ERMARD: variants seen among roughly 807,000 people sequenced by gnomAD.
The protein encoded by ERMARD is ER membrane associated RNA degradation.
A neutral mutation model predicts 83.9 loss-of-function variants in ERMARD; 71 were observed. The observed-to-expected ratio is 0.85, with a 90% CI of 0.70 to 1.03. ERMARD has a LOEUF of 1.03. Among genes scored for constraint, ERMARD ranks in the 50% least tolerant of loss-of-function variants. The pLI is 0.00. For synonymous variants in ERMARD, 284 were observed against 298.6 expected (o/e 0.95, Z 0.50); for missense variants, 838 against 810.9 (o/e 1.03, Z -0.41).
At chr6:169,755,487 T>C (rs1790687320) in intron 3 of ERMARD, 65 bp downstream of exon 3, 1 of 1,576,534 alleles carries the variant, frequency 6.3e-7, no homozygotes, top group South Asian at 1.2e-5. Flanking sequence ...GGACGTACTA[T>C]TTGCCAATTT....
chr6:169,755,243 T>C (rs1191342852), intron 2 of ERMARD, 40 bp from the exon 3 acceptor site: 10 of 1,584,058 alleles, frequency 6.3e-6, no homozygotes, highest in Non-Finnish European at 8.6e-6. Context: ...TCATGTGATA[T>C]GGAGCTATGG....
intron 1 of ERMARD, 193 bp downstream of exon 1, chr6:169,751,856 G>C: frequency 3.8e-6 from 3 of 794,844 alleles, no homozygotes; most frequent in Admixed American, 8.4e-5. Context: ...CCTGCAAGAC[G>C]CCTGGCGGGC....
At position 169,760,764 on chromosome 6, in the gene ERMARD, A is replaced by G. The variant is rs1309676572; in HGVS notation, c.857+8A>G. 1 of 1,592,796 alleles carries G rather than the reference A, an allele frequency of 6.3e-7. No homozygotes were observed. The highest frequency in any genetic ancestry group is 1.7e-5 in the Admixed American group (1 of 59,886). The stretch of plus-strand genomic sequence containing the variant: ...CAAGTTCAAGTCACACAGGTAACTA[A>G]AGGGTACATGGCAGAGTGGTTTGCA... On this transcript the variant is annotated splice_region_variant and intron_variant, in intron 8 of 17. Transcript: ENST00000366773.
chr6:169,758,255 C>T (rs1300496807), intron 5 of ERMARD, among the ~76,000 whole-genome samples: 2 of 152,202 alleles, frequency 1.3e-5, no homozygotes, highest in South Asian at 2.1e-4. Context: ...ATACTTTCTC[C>T]TATGACATGA....
chr6:169,760,085 A>G, intron 7 of ERMARD, 111 bp downstream of exon 7: 5 of 1,530,462 alleles, frequency 3.3e-6, no homozygotes, highest in Non-Finnish European at 4.4e-6. Flanking sequence ...GTTGTTCTTC[A>G]GTAGTCGGAT....
intron 1 of ERMARD, chr6:169,751,942 G>C (rs1244978935): frequency 2.1e-6 from 1 of 467,616 alleles, no homozygotes; most frequent in South Asian, 4.3e-5. Context: ...CGGACGGTCA[G>C]GGAGGGCTGT....
At position 169,764,327 on chromosome 6, in the gene ERMARD, C is replaced by T. The variant is rs140579983; in HGVS notation, c.960+1796C>T. Among the ~76,000 whole-genome samples the T allele has an allele frequency of 3.2e-3, 479 of 149,042 alleles. 9 individuals carry two copies. The highest frequency in any genetic ancestry group is 0.012 in the African/African-American group (468 of 40,356). On this transcript the variant is annotated intron_variant, in intron 9 of 17. Transcript: ENST00000366773. ...TCACCCAGGCTGAAGTGCGGTGGTG[C>T]AGTCATAGCTCACTGCAGCCTCAAT...
At chr6:169,758,891 CA>C in intron 5 of ERMARD, 76 bp from the exon 6 acceptor site, 1 of 1,339,354 alleles carries the variant, frequency 7.5e-7, no homozygotes, top group South Asian at 1.3e-5. Context: ...AAAAGAGGAA[CA>C]CAAATGTTAT....
rs374709684 is a variant in ERMARD, at chr6:169,759,751, A to T, written c.606-87A>T. On this transcript the variant is annotated intron_variant, in intron 6 of 17. Transcript: ENST00000366773. The stretch of plus-strand genomic sequence containing the variant: ...TCATGCAATTTAACTTTGCTTTCTT[A>T]ATTTTAAATTTGTATTTTTCACAGT... 583 of 1,294,384 alleles carry T rather than the reference A, an allele frequency of 4.5e-4. 9 individuals are homozygous for T. In the South Asian group the frequency reaches 6.8e-3, roughly 15 times the overall value. The allele number at this position is 1,294,384 out of a possible 1,614,324, so 80.2% of individuals were successfully genotyped here. A position where few individuals can be genotyped will look rare whatever the true frequency, so the allele number is the denominator to read the frequency against.
chr6:169,762,655 A>G, intron 9 of ERMARD, 124 bp downstream of exon 9: 1 of 716,474 alleles, frequency 1.4e-6, no homozygotes, highest in South Asian at 1.9e-5. Flanking sequence ...TTAGCTAAGA[A>G]CTGTGGAAGG....
At chr6:169,775,868 A>G in intron 14 of ERMARD, 72 bp from the exon 15 acceptor site, 2 of 1,559,674 alleles carry the variant, frequency 1.3e-6, no homozygotes, top group Non-Finnish European at 1.7e-6. Context: ...GAACCATTGA[A>G]CATTCTTGTG....
chr6:169,769,771 A>G (rs1792676091), intron 12 of ERMARD, 58 bp downstream of exon 12: 17 of 1,440,460 alleles, frequency 1.2e-5, no homozygotes, highest in Non-Finnish European at 1.5e-5. Context: ...ATGAAAATAT[A>G]GTTTATTTTT....
In ERMARD at chr6:169,759,124, A is replaced by G. The variant is rs570599998; in HGVS notation, c.605+59A>G. 6 of 1,399,902 alleles carry G rather than the reference A, an allele frequency of 4.3e-6. No individual in the cohort carries two copies. The African/African-American group carries it at 7.2e-5, about 17-fold the overall frequency. 86.7% of individuals were successfully genotyped at this position (1,399,902 alleles called of 1,614,324 possible). On this transcript the variant is annotated intron_variant, in intron 6 of 17. Coordinates refer to ENST00000366773, the MANE Select transcript of ERMARD (RefSeq NM_018341.3). ...TTGGATCTACCAAAGAGTTTTTTAA[A>G]TTTTGAATTTCATGAGAAGGAAATA... is the stretch of plus-strand genomic sequence containing the variant.
chr6:169,760,864 C>A, intron 8 of ERMARD, 108 bp downstream of exon 8: 1 of 722,790 alleles, frequency 1.4e-6, no homozygotes, highest in Non-Finnish European at 2.3e-6. Context: ...GTGAAGAGAA[C>A]CTGGACTGAC....
intron 17 of ERMARD, 61 bp from the exon 18 acceptor site, chr6:169,781,269 A>G: frequency 6.9e-7 from 1 of 1,443,292 alleles, no homozygotes; most frequent in Non-Finnish European, 9.3e-7. Context: ...AAGTGAAGAC[A>G]TTTAATTCAT....
chr6:169,752,112 T>C (rs1157537122), intron 1 of ERMARD, among the ~76,000 whole-genome samples: 1 of 152,214 alleles, frequency 6.6e-6, no homozygotes, highest in Non-Finnish European at 1.5e-5. Flanking sequence ...TCCCATCTAC[T>C]CCGTAGGCTG....
chr6:169,755,652 G>A (rs868809343), intron 3 of ERMARD: 21 of 495,436 alleles, frequency 4.2e-5, no homozygotes, highest in Middle Eastern at 5.5e-4. Flanking sequence ...ACAGGATTAG[G>A]GGTTGGAGAG....
At position 169,769,729 on chromosome 6, in the gene ERMARD, G is replaced by T. The variant is rs1792669655; in HGVS notation, c.1233+16G>T. ...AGTTTTTAAGGTAATTTATAGGGAAGAAAATCATTAATTAGATTAACTCAT... is the reference window on the plus strand; with the variant it reads ...AGTTTTTAAGGTAATTTATAGGGAATAAAATCATTAATTAGATTAACTCAT... On this transcript the variant is annotated intron_variant, in intron 12 of 17. Transcript: ENST00000366773. The T allele has an allele frequency of 6.4e-7, 1 of 1,562,448 alleles. No individual in the cohort carries two copies. Among genetic ancestry groups the T allele is most frequent in the Non-Finnish European group, 8.7e-7 (1 of 1,154,442 alleles).
chr6:169,756,505 C>A, intron 4 of ERMARD, 66 bp downstream of exon 4: 1 of 1,173,854 alleles, frequency 8.5e-7, no homozygotes, highest in Non-Finnish European at 1.2e-6. Flanking sequence ...AACTATTTTA[C>A]AGTTGTCCTC....
Sources: gnomAD v4.1 joint callset for allele counts (sites outside exome capture counted in the v4.1 genomes callset) on GRCh38, gnomAD v4.1.1 for gene constraint, MANE v1.5 for transcripts, NCBI Gene and HGNC (gene_info 2026-07-23, HGNC 2026-07-21) for gene names.